Variants in RASGRP2 observed in about 807,000 individuals in gnomAD.
RASGRP2 encodes the protein RAS guanyl-releasing protein 2.
RASGRP2 carries 44 observed loss-of-function variants against 71.0 expected under a neutral mutation model. The observed-to-expected ratio is 0.62, with a 90% confidence interval of 0.49 to 0.80. RASGRP2 has a LOEUF of 0.80. Among genes scored for constraint, RASGRP2 ranks in the 30% least tolerant of loss-of-function variants. The pLI, the probability that RASGRP2 is intolerant of heterozygous loss-of-function variation, is 0.00. For synonymous variants in RASGRP2, 350 were observed against 330.7 expected (o/e 1.06, Z -0.63); for missense variants, 663 against 813.4 (o/e 0.82, Z 2.25).
rs951462014 is a variant in RASGRP2, at chr11:64,743,401, G to A, written c.-71-464C>T. Reference sequence around the variant, plus strand: ...GAATTTCTCCCTGGTATGGGAGGTGGGGGGAGAGAACCCAGGCGTCCTGCC... The same window carrying A: ...GAATTTCTCCCTGGTATGGGAGGTGAGGGGAGAGAACCCAGGCGTCCTGCC... On this transcript the variant is annotated intron_variant, in intron 1 of 16. Coordinates refer to ENST00000394432, the MANE Select transcript of RASGRP2 (RefSeq NM_001098671.2). The surrounding 1 kb of genome is among the most constrained non-coding windows in gnomAD (Gnocchi z 4.9). 6 of 370,092 alleles carry A rather than the reference G, an allele frequency of 1.6e-5. No individual in the cohort carries two copies. The highest frequency in any genetic ancestry group is 3.2e-5 in the Non-Finnish European group (6 of 186,446). 22.9% of individuals were successfully genotyped at this position (370,092 alleles called of 1,614,324 possible). A position where few individuals can be genotyped will look rare whatever the true frequency, so the allele number is the denominator to read the frequency against.
intron 12 of RASGRP2, among the ~76,000 whole-genome samples, chr11:64,733,240 G>A (rs901877867): frequency 6.6e-6 from 1 of 152,218 alleles, no homozygotes; most frequent in African/African-American, 2.4e-5. Flanking sequence ...AGATAATTTT[G>A]TAAGAAAGAA....
intron 9 of RASGRP2, 55 bp from the exon 10 acceptor site, chr11:64,736,035 C>T (rs776934921): frequency 3.5e-5 from 52 of 1,501,922 alleles, no homozygotes; most frequent in Non-Finnish European, 4.8e-5. Flanking sequence ...GCCACAGAGC[C>T]CAGGGCCAAA....
chr11:64,729,472 G>A (rs1799424013), intron 14 of RASGRP2, among the ~76,000 whole-genome samples: 1 of 152,108 alleles, frequency 6.6e-6, no homozygotes, highest in South Asian at 2.1e-4. Context: ...AAGTAGCTGG[G>A]ATTACAGGTG....
At chr11:64,733,309 G>A (rs1239689063) in intron 12 of RASGRP2, among the ~76,000 whole-genome samples, 1 of 151,860 alleles carries the variant, frequency 6.6e-6, no homozygotes, top group Non-Finnish European at 1.5e-5. Context: ...TGGTGAGCTG[G>A]GCCTGGTCCT....
chr11:64,737,054 G>A lies in RASGRP2; in HGVS notation c.814-20C>T. 2 of 1,613,194 alleles carry A rather than the reference G, an allele frequency of 1.2e-6. No homozygotes were observed. Among genetic ancestry groups the A allele is most frequent in the East Asian group, 2.2e-5 (1 of 44,836 alleles). On this transcript the variant is annotated intron_variant, in intron 8 of 16. Coordinates refer to ENST00000394432, the MANE Select transcript of RASGRP2 (RefSeq NM_001098671.2). ...CCAGAGCTGGGGACAAAGGACAGAG[G>A]AGTCATACCCCCACAACTATCCTCC...
chr11:64,731,373 A>G (rs982082915), intron 12 of RASGRP2, among the ~76,000 whole-genome samples: 3 of 151,782 alleles, frequency 2.0e-5, no homozygotes, highest in African/African-American at 4.8e-5. Flanking sequence ...AAAAAAAAAA[A>G]AAGAAAAGAT....
rs933195682 is a variant in RASGRP2, at chr11:64,743,209, G to C, written c.-71-272C>G. On this transcript the variant is annotated intron_variant, in intron 1 of 16. Transcript: ENST00000394432. The surrounding 1 kb of genome is among the most constrained non-coding windows in gnomAD (Gnocchi z 4.9). ...GGGACGAACCAAGATCCCAGGACTG[G>C]CTGGCGCCCAGCCCCCCGCAGGGCG... 2.2e-5 allele frequency: 12 copies of C among 537,602 alleles called. No homozygotes were observed. The highest frequency in any genetic ancestry group is 2.1e-4 in the African/African-American group (11 of 52,902). The allele number at this position is 537,602 out of a possible 1,614,324, so 33.3% of individuals were successfully genotyped here.
intron 12 of RASGRP2, among the ~76,000 whole-genome samples, chr11:64,731,405 G>A (rs1343335341): frequency 6.6e-6 from 1 of 151,008 alleles, no homozygotes; most frequent in Non-Finnish European, 1.5e-5. Context: ...ATAATCTTGA[G>A]GGGCTGAGGG....
In RASGRP2 at chr11:64,735,447, T is replaced by A. The variant is rs1565507578; in HGVS notation, c.1296+95A>T. 2 of 1,598,780 alleles carry A rather than the reference T, an allele frequency of 1.3e-6. No individual in the cohort carries two copies. The highest frequency in any genetic ancestry group is 1.7e-6 in the Non-Finnish European group (2 of 1,173,006). On this transcript the variant is annotated intron_variant, in intron 11 of 16. Transcript: ENST00000394432. This position sits in a 1 kb window ranked among gnomAD's most constrained non-coding sequence, Gnocchi z 4.2. Reference sequence around the variant, plus strand: ...CCTGTGACTCCTAGGGGCTGAGTGCTGGGTCTTGAACAGGACACTCGTGCT... The same window carrying A: ...CCTGTGACTCCTAGGGGCTGAGTGCAGGGTCTTGAACAGGACACTCGTGCT...
intron 4 of RASGRP2, 22 bp downstream of exon 4, chr11:64,741,417 G>C (rs775143318): frequency 2.0e-6 from 3 of 1,524,874 alleles, no homozygotes; most frequent in Non-Finnish European, 2.7e-6. Flanking sequence ...GGAGGGGCTA[G>C]AGCCCCAGGG....
chr11:64,731,359 GAAAAAAA>G (rs542490938), intron 12 of RASGRP2, among the ~76,000 whole-genome samples: 3 of 89,970 alleles, frequency 3.3e-5, no homozygotes, highest in African/African-American at 8.2e-5. Flanking sequence ...CCCTGTCTCA[GAAAAAAA>G]AAAAAAAAAG....
At chr11:64,744,232 C>T, upstream of RASGRP2, 1 of 985,940 alleles carries the variant, frequency 1.0e-6, no homozygotes, top group Non-Finnish European at 1.2e-6. Context: ...ATTTGCGGTG[C>T]AGGGCCCGCC....
At chr11:64,736,706 C>A in intron 9 of RASGRP2, 47 bp downstream of exon 9, 1 of 1,546,940 alleles carries the variant, frequency 6.5e-7, no homozygotes, top group South Asian at 1.2e-5. Context: ...GGGAAACTGT[C>A]AACCCCTGGT....
At chr11:64,736,138 A>G (rs2057931962) in intron 9 of RASGRP2, among the ~76,000 whole-genome samples, 158 bp from the exon 10 acceptor site, 2 of 152,020 alleles carry the variant, frequency 1.3e-5, no homozygotes, top group Admixed American at 6.6e-5. Context: ...AGCAACCCCC[A>G]TGTCATCCCA....
At chr11:64,738,157 T>C (rs959269098) in intron 8 of RASGRP2, among the ~76,000 whole-genome samples, 16 of 152,054 alleles carry the variant, frequency 1.1e-4, no homozygotes, top group Admixed American at 3.9e-4. Context: ...CTCAGAACCA[T>C]GTGGAATGAA....
In RASGRP2 at chr11:64,740,963, A is replaced by C; in HGVS notation, c.356T>G (p.Ile119Ser). ...QEGNRRHSSL[I>S]DIDSVPTYKW... ...CCCCACGCACACGCTGTCTATGTCG[A>C]TTAGGCTGCTGTGCCGTCGGTTCCC... Residue 119 changes from isoleucine to serine, a missense_variant, in exon 5 of 17, where the codon ATC (isoleucine) becomes AGC (serine). Ile to Ser is a moderately radical substitution (Grantham distance 142). Transcript: ENST00000394432. The C allele has an allele frequency of 6.2e-7, 1 of 1,613,122 alleles. No homozygotes were observed. Among genetic ancestry groups the C allele is most frequent in the Non-Finnish European group, 8.5e-7 (1 of 1,179,680 alleles).
At chr11:64,727,506 ATTTTTTTTT>A in intron 15 of RASGRP2, 146 bp from the exon 16 acceptor site, 5 of 322,888 alleles carry the variant, frequency 1.5e-5, no homozygotes, top group Admixed American at 1.1e-4. Flanking sequence ...TCACAGCCCA[ATTTTTTTTT>A]TTTTTTTTTT....
intron 12 of RASGRP2, among the ~76,000 whole-genome samples, chr11:64,732,637 C>T (rs776056145): frequency 1.3e-5 from 2 of 152,066 alleles, no homozygotes; most frequent in African/African-American, 2.4e-5. Flanking sequence ...AAAAATTAGC[C>T]GGGCACGGTG....
chr11:64,741,479 T>A lies in RASGRP2; in HGVS notation c.199A>T (p.Asn67Tyr). Residue 67 changes from asparagine to tyrosine, a missense_variant, in exon 4 of 17, where the codon AAC becomes TAC. By Grantham distance (143) the Asn-to-Tyr change is moderately radical. Coordinates refer to ENST00000394432, the MANE Select transcript of RASGRP2 (RefSeq NM_001098671.2). ...LHIYQQSRKD[N>Y]SNSLQVKTCH... ...GTTTTCACCTGCAGGGAATTGGAGT[T>A]GTCCTTCCGGGATTGTTGGTAGGTG... 6.3e-7 allele frequency: 1 copy of A among 1,581,580 alleles called. No individual in the cohort carries two copies. The highest frequency in any genetic ancestry group is 1.2e-5 in the South Asian group (1 of 86,524).
Sources: allele counts gnomAD v4.1 joint callset (sites outside exome capture counted in the v4.1 genomes callset), GRCh38; gene constraint gnomAD v4.1.1; non-coding constraint Gnocchi (gnomAD v3.1); transcripts MANE v1.5; gene names NCBI Gene and HGNC (gene_info 2026-07-23, HGNC 2026-07-21).